ADCY7: variants seen among roughly 807,000 people sequenced by gnomAD.
ADCY7 encodes adenylate cyclase type 7.
A neutral mutation model predicts 120.6 loss-of-function variants in ADCY7; 72 were observed. That is an observed-to-expected ratio of 0.60 (90% CI 0.49 to 0.73). The LOEUF (loss-of-function observed/expected upper bound fraction) is 0.73, where lower values mean the gene tolerates loss of function less well. Among genes scored for constraint, ADCY7 ranks in the 30% least tolerant of loss-of-function variants. The pLI, the probability that ADCY7 is intolerant of heterozygous loss-of-function variation, is 0.00. For synonymous variants in ADCY7, 661 were observed against 628.0 expected (o/e 1.05, Z -0.78); for missense variants, 1,227 against 1,486.0 (o/e 0.83, Z 2.87).
chr16:50,247,455 A>G (rs908898272), intron 1 of ADCY7, among the ~76,000 whole-genome samples: 6 of 151,724 alleles, frequency 4.0e-5, no homozygotes, highest in Non-Finnish European at 8.8e-5. Flanking sequence ...TCCACCTCCC[A>G]GGCTCAGGTG....
rs1010998520 is a variant in ADCY7 at position 50,291,872 on chromosome 16, C to T, written c.512C>T (p.Thr171Ile). The T allele has an allele frequency of 1.9e-6, 3 of 1,613,104 alleles. No individual in the cohort carries two copies. The highest frequency in any genetic ancestry group is 1.7e-5 in the Admixed American group (1 of 59,938). ...GGTTCTTTGATGGGAGGCTTCACGA[C>T]ACCCAGTGTCCGGGTGGGGCTGCAG... ...VLGSLMGGFT[T>I]PSVRVGLQLL... is the part of the protein sequence containing the mutation. Residue 171 changes from threonine (T) to isoleucine (I), a missense_variant, in exon 4 of 26, where the codon ACA becomes ATA. By Grantham distance (89) the Thr-to-Ile change is moderately conservative. Transcript: ENST00000673801.
At chr16:50,280,559 G>C (rs2034195982) in intron 1 of ADCY7, among the ~76,000 whole-genome samples, 1 of 152,092 alleles carries the variant, frequency 6.6e-6, no homozygotes, top group East Asian at 1.9e-4. Flanking sequence ...ATCTTTCTAA[G>C]TTTTTGATTC....
At position 50,313,943 on chromosome 16, in the gene ADCY7, C is replaced by CCTTCTTGCCTGCAGCTCCT; in HGVS notation, c.2752-14_2756dup. On this transcript the variant is annotated splice_polypyrimidine_tract_variant and intron_variant, in intron 22 of 25. Transcript: ENST00000673801. ...TGGAGTGGCGGCTGCTTCACCGCTT[C>CCTTCTTGCCTGCAGCTCCT]CTTCTTGCCTGCAGCTCCTACTGAA... The CCTTCTTGCCTGCAGCTCCT allele has an allele frequency of 6.2e-7, 1 of 1,605,346 alleles. No individual in the cohort carries two copies. The highest frequency in any genetic ancestry group is 2.2e-5 in the East Asian group (1 of 44,786).
chr16:50,306,794 A>T (rs959819539), intron 14 of ADCY7, among the ~76,000 whole-genome samples: 13 of 152,216 alleles, frequency 8.5e-5, no homozygotes, highest in Non-Finnish European at 1.9e-4. Flanking sequence ...CAAGTGTAAC[A>T]TCACCTGGAA....
At chr16:50,252,421 G>A (rs748938145) in intron 1 of ADCY7, among the ~76,000 whole-genome samples, 27 of 152,042 alleles carry the variant, frequency 1.8e-4, no homozygotes, top group Non-Finnish European at 2.5e-4. Flanking sequence ...CAGGGTGTGG[G>A]GTGGAGGCAG....
intron 3 of ADCY7, among the ~76,000 whole-genome samples, chr16:50,291,079 TGA>T (rs1027383215): frequency 9.2e-5 from 14 of 151,662 alleles, no homozygotes; most frequent in African/African-American, 2.9e-4. Context: ...CCACCCCAGT[TGA>T]GAGAGAGGGC....
intron 15 of ADCY7, among the ~76,000 whole-genome samples, chr16:50,307,402 A>G (rs2036142489): frequency 6.6e-6 from 1 of 152,138 alleles, no homozygotes; most frequent in African/African-American, 2.4e-5. Flanking sequence ...TGTGGCCTGC[A>G]TGCATTTTGG....
Position 50,314,405 on chromosome 16 carries a change from C to T in ADCY7, c.2970C>T (p.Val990=), listed in dbSNP as rs770274499. 5 of 1,612,850 alleles carry T rather than the reference C, an allele frequency of 3.1e-6. No homozygotes were observed. Among genetic ancestry groups the T allele is most frequent in the East Asian group, 2.2e-5 (1 of 44,856 alleles). ...RHSFNSFRLR[V]GINHGPVIAG... ...CCTTCAACTCCTTCCGCCTCCGCGTCGGTGAGCCCGGGTGATGGAGCGGGG... is the reference window on the plus strand; with the variant it reads ...CCTTCAACTCCTTCCGCCTCCGCGTTGGTGAGCCCGGGTGATGGAGCGGGG... The change falls in exon 24 of 26, where the codon GTC becomes GTT. Residue 990 remains valine (V), a splice_region_variant and synonymous_variant. Transcript: ENST00000673801.
intron 1 of ADCY7, among the ~76,000 whole-genome samples, chr16:50,247,678 C>CCTTTCTTT (rs996197641): frequency 2.6e-5 from 4 of 151,756 alleles, no homozygotes; most frequent in African/African-American, 9.7e-5. Flanking sequence ...CTGTGCCCAG[C>CCTTTCTTT]CTTTCTTTCT....
intron 1 of ADCY7, among the ~76,000 whole-genome samples, chr16:50,258,888 G>T (rs2032988468): frequency 6.6e-6 from 1 of 152,070 alleles, no homozygotes; most frequent in African/African-American, 2.4e-5. Flanking sequence ...GAGCCACCAC[G>T]CCCAACCCTT....
At chr16:50,271,923 G>A (rs1191622331) in intron 1 of ADCY7, among the ~76,000 whole-genome samples, 2 of 152,154 alleles carry the variant, frequency 1.3e-5, no homozygotes, top group African/African-American at 2.4e-5. Flanking sequence ...CCCAAGGGAC[G>A]CCGGGATACC....
rs753525053 is a variant in ADCY7, at chr16:50,315,413, C to T, written c.3151C>T (p.Arg1051Cys). 1.9e-6 allele frequency: 3 copies of T among 1,614,148 alleles called. No homozygotes were observed. The highest frequency in any genetic ancestry group is 1.1e-5 in the South Asian group (1 of 91,082). Residue 1051 changes from arginine to cysteine, a missense_variant, in exon 26 of 26, where the codon CGT becomes TGT. Coordinates refer to ENST00000673801, the MANE Select transcript of ADCY7 (RefSeq NM_001114.5). The part of the protein sequence containing the change: ...LQGLGYSCEC[R>C]GLINVKGKGE... The stretch of plus-strand genomic sequence containing the variant: ...GGGCCTCGGGTACTCTTGTGAATGC[C>T]GTGGCCTGATCAACGTCAAAGGCAA...
chr16:50,287,082 C>T (rs2034627015), intron 1 of ADCY7, among the ~76,000 whole-genome samples: 1 of 151,090 alleles, frequency 6.6e-6, no homozygotes, highest in Admixed American at 6.6e-5. Flanking sequence ...ATGGCACGAT[C>T]TCAGCTTACT....
chr16:50,308,435 C>CG (rs1567576272), intron 16 of ADCY7, 24 bp downstream of exon 16: 27 of 1,613,614 alleles, frequency 1.7e-5, no homozygotes, highest in Non-Finnish European at 2.1e-5. Context: ...TCTGGCCCCG[C>CG]GGGCCCTCCC....
At chr16:50,251,315 G>T (rs779006235) in intron 1 of ADCY7, among the ~76,000 whole-genome samples, 1 of 152,144 alleles carries the variant, frequency 6.6e-6, no homozygotes, top group African/African-American at 2.4e-5. Context: ...ATTACTTCCC[G>T]GTACTTAAAA....
chr16:50,277,275 TATGTC>T (rs1197412104), intron 1 of ADCY7, among the ~76,000 whole-genome samples: 1 of 152,228 alleles, frequency 6.6e-6, no homozygotes, highest in African/African-American at 2.4e-5. Context: ...ATCTTGTACT[TATGTC>T]ATTTCATACT....
intron 13 of ADCY7, 71 bp from the exon 14 acceptor site, chr16:50,305,706 C>A (rs985037381): frequency 3.3e-6 from 5 of 1,495,584 alleles, no homozygotes; most frequent in East Asian, 4.5e-5. Context: ...CTTCCCCCTG[C>A]CTGCTGCCAC....
rs369668694 is a variant in ADCY7 at position 50,314,326 on chromosome 16, T to C, written c.2891T>C (p.Met964Thr). Reference protein sequence around the residue: ...LERQHAHIGVMVEFSIALMSK... With the variant: ...LERQHAHIGVTVEFSIALMSK... Reference sequence around the variant, plus strand: ...CGGCAGCATGCCCACATTGGTGTCATGGTGGAGTTCAGCATCGCCCTGATG... The same window carrying C: ...CGGCAGCATGCCCACATTGGTGTCACGGTGGAGTTCAGCATCGCCCTGATG... Residue 964 changes from methionine to threonine, a missense_variant, in exon 24 of 26, where the codon ATG (methionine) becomes ACG (threonine). Met to Thr is a moderately conservative substitution (Grantham distance 81). Coordinates refer to ENST00000673801, the MANE Select transcript of ADCY7 (RefSeq NM_001114.5). The C allele has an allele frequency of 5.0e-6, 8 of 1,614,146 alleles. No homozygotes were observed. Among genetic ancestry groups the C allele is most frequent in the Middle Eastern group, 1.6e-4 (1 of 6,062 alleles).
chr16:50,287,381 T>G (rs2034645407), intron 1 of ADCY7, among the ~76,000 whole-genome samples: 1 of 151,440 alleles, frequency 6.6e-6, no homozygotes, highest in Non-Finnish European at 1.5e-5. Flanking sequence ...TATTTTAAAT[T>G]AATTTAAATT....
Sources: allele counts gnomAD v4.1 joint callset (sites outside exome capture counted in the v4.1 genomes callset), GRCh38; gene constraint gnomAD v4.1.1; transcripts MANE v1.5; gene names NCBI Gene and HGNC (gene_info 2026-07-23, HGNC 2026-07-21).